Variants in PITRM1 observed in about 807,000 individuals in gnomAD.
PITRM1 encodes the protein pitrilysin metallopeptidase 1.
A neutral mutation model predicts 129.9 loss-of-function variants in PITRM1; 100 were observed. The ratio of observed to expected loss-of-function variants is 0.77; its 90% CI spans 0.65 to 0.91. PITRM1 has a LOEUF of 0.91. PITRM1 is among the 40% of genes least tolerant of loss of function. The pLI is 0.00. For synonymous variants in PITRM1, 591 were observed against 508.8 expected (o/e 1.16, Z -2.17); for missense variants, 1,471 against 1,318.3 (o/e 1.12, Z -1.79).
chr10:3,158,388 C>G (rs1292190502), intron 10 of PITRM1, among the ~76,000 whole-genome samples: 1 of 152,052 alleles, frequency 6.6e-6, no homozygotes, highest in African/African-American at 2.4e-5. Context: ...AATATCAAAA[C>G]AGAGAACTGC....
chr10:3,150,597 G>A (rs1051132688), intron 15 of PITRM1, among the ~76,000 whole-genome samples: 18 of 152,166 alleles, frequency 1.2e-4, no homozygotes, highest in Admixed American at 1.1e-3. Flanking sequence ...GGTAAGCTCA[G>A]CATCAACACT....
At chr10:3,138,613 C>T (rs145694409) in intron 25 of PITRM1, 23 of 604,134 alleles carry the variant, frequency 3.8e-5, no homozygotes, top group African/African-American at 2.6e-4. Flanking sequence ...CAGAGAGTAA[C>T]GTGGCCATGC....
intron 1 of PITRM1, 100 bp downstream of exon 1, chr10:3,172,617 C>A (rs539255042): frequency 1.8e-6 from 2 of 1,106,882 alleles, no homozygotes; most frequent in African/African-American, 1.6e-5. Flanking sequence ...GAGCTGCCAG[C>A]CCCGGGCGCA....
chr10:3,139,614 A>T (rs1811918737), intron 24 of PITRM1, among the ~76,000 whole-genome samples: 1 of 152,222 alleles, frequency 6.6e-6, no homozygotes, highest in African/African-American at 2.4e-5. Context: ...AGAACTCATC[A>T]GAGTGGCAAT....
rs915320188 is a variant in PITRM1 at position 3,147,608 on chromosome 10, T to G, written c.2199A>C (p.Ala733=). Residue 733 remains alanine (A), a synonymous_variant, in exon 19 of 27, where the codon GCA becomes GCC. Coordinates refer to ENST00000224949, the MANE Select transcript of PITRM1 (RefSeq NM_014889.4). ...SIRAGRTLTP[A]GDLQETFSGM... The stretch of plus-strand genomic sequence containing the variant: ...CGCTGAAGGTCTCCTGCAGGTCCCC[T>G]GCGGGCGTGAGGGTCCGGCCTGCCC... The G allele has an allele frequency of 4.3e-6, 7 of 1,614,072 alleles. No homozygotes were observed. The highest frequency in any genetic ancestry group is 5.9e-6 in the Non-Finnish European group (7 of 1,179,904).
intron 1 of PITRM1, chr10:3,172,186 T>C (rs1257896502): frequency 8.8e-6 from 4 of 456,676 alleles, no homozygotes; most frequent in South Asian, 4.6e-5. Flanking sequence ...TATTACCTTA[T>C]ATTAAACACG....
chr10:3,143,572 C>T (rs1840498663), intron 22 of PITRM1, 71 bp from the exon 23 acceptor site: 2 of 1,060,272 alleles, frequency 1.9e-6, no homozygotes, highest in South Asian at 1.3e-5. Context: ...ACTGGACCCA[C>T]TCAGGGGTCA....
intron 1 of PITRM1, 112 bp downstream of exon 1, chr10:3,172,605 G>C: frequency 1.0e-6 from 1 of 995,218 alleles, no homozygotes; most frequent in Non-Finnish European, 1.4e-6. Flanking sequence ...CCACAGCTTG[G>C]GGAGCTGCCA....
intron 24 of PITRM1, 151 bp downstream of exon 24, chr10:3,140,536 G>T: frequency 1.5e-6 from 1 of 664,778 alleles, no homozygotes; most frequent in Non-Finnish European, 2.5e-6. Context: ...GACATTGCTG[G>T]GTGTGGCTAA....
chr10:3,172,513 G>C (rs1211982882), intron 1 of PITRM1, among the ~76,000 whole-genome samples: 1 of 152,260 alleles, frequency 6.6e-6, no homozygotes, highest in East Asian at 1.9e-4. Flanking sequence ...ATCGCCCCTG[G>C]GAGTAGGAAG....
At chr10:3,165,567 A>T (rs1471903663) in intron 4 of PITRM1, 40 bp from the exon 5 acceptor site, 1 of 1,145,286 alleles carries the variant, frequency 8.7e-7, no homozygotes, top group Admixed American at 1.9e-5. Flanking sequence ...AATATAACAG[A>T]TTTCTACTAA....
Position 3,155,679 on chromosome 10 carries a change from G to A in PITRM1, c.1533C>T (p.His511=), listed in dbSNP as rs201227300. The change falls in exon 14 of 27, where the codon CAC becomes CAT. Residue 511 remains histidine (H), a synonymous_variant. Transcript: ENST00000224949. ...TGGCTTCCACCTGTGCCTGCTTCTC[G>A]TGATACTTGTCATCTGGCCTCATCG... ...TLSMRPDDKY[H]EKQAQVEATK... 3,459 of 1,613,814 alleles carry A rather than the reference G, an allele frequency of 2.1e-3. 12 individuals carry two copies. The highest frequency in any genetic ancestry group is 2.4e-3 in the Non-Finnish European group (2,861 of 1,179,862).
intron 6 of PITRM1, chr10:3,164,132 T>C (rs1044905015): frequency 4.2e-6 from 1 of 238,874 alleles, no homozygotes. Context: ...TTTTTTGATG[T>C]GTGGTGCAAC....
Position 3,158,080 on chromosome 10 carries a change from C to A in PITRM1, c.1210G>T (p.Val404Phe), listed in dbSNP as rs773535745. Residue 404 changes from valine to phenylalanine, a missense_variant, in exon 11 of 27, where the codon GTC becomes TTC. Physicochemically the swap from Val to Phe is conservative, Grantham distance 50. Coordinates refer to ENST00000224949, the MANE Select transcript of PITRM1 (RefSeq NM_014889.4). Reference protein sequence around the residue: ...QGIAEKDIETVRSLIDRTIDE... With the variant: ...QGIAEKDIETFRSLIDRTIDE... ...ATCGTTCTGTCTATGAGGCTTCTGA[C>A]GGTCTCAATGTCTTTCTCCGCAATC... 18 of 1,610,924 alleles carry A rather than the reference C, an allele frequency of 1.1e-5. No individual in the cohort carries two copies. The highest frequency in any genetic ancestry group is 1.4e-5 in the Non-Finnish European group (16 of 1,177,278).
chr10:3,141,748 T>A (rs1401672685), intron 23 of PITRM1: 2 of 444,316 alleles, frequency 4.5e-6, no homozygotes, highest in African/African-American at 4.1e-5. Context: ...CTAAAGTGGA[T>A]GAAGGGAGTC....
chr10:3,156,340 A>G (rs1188716505), intron 13 of PITRM1, among the ~76,000 whole-genome samples: 2 of 152,270 alleles, frequency 1.3e-5, no homozygotes, highest in African/African-American at 4.8e-5. Flanking sequence ...AGAAGACACC[A>G]GAAAGTTCAT....
At chr10:3,148,355 C>G (rs939034228) in intron 16 of PITRM1, 64 bp from the exon 17 acceptor site, 1 of 1,524,450 alleles carries the variant, frequency 6.6e-7, no homozygotes, top group Non-Finnish European at 8.8e-7. Flanking sequence ...TTTTTAAAAT[C>G]GTGCATCTTG....
rs374148356 is a variant in PITRM1, at chr10:3,148,141, C to A, written c.1992+30G>T. ...CAGACACTGGAGAAAAGCTTCCCAC[C>A]GCAGCAGTCGTCTGACGGTACCAGG... On this transcript the variant is annotated intron_variant, in intron 17 of 26. Coordinates refer to ENST00000224949, the MANE Select transcript of PITRM1 (RefSeq NM_014889.4). 2.5e-6 allele frequency: 4 copies of A among 1,613,728 alleles called. No homozygotes were observed. The African/African-American group carries it at 4.0e-5, about 16-fold the overall frequency.
chr10:3,158,475 G>A (rs1342996552), intron 10 of PITRM1, among the ~76,000 whole-genome samples: 2 of 152,128 alleles, frequency 1.3e-5, no homozygotes, highest in East Asian at 1.9e-4. Flanking sequence ...GTGTGAACCC[G>A]GGAGGTGGAG....
Sources: gnomAD v4.1 joint callset for allele counts (sites outside exome capture counted in the v4.1 genomes callset) on GRCh38, gnomAD v4.1.1 for gene constraint, MANE v1.5 for transcripts, NCBI Gene and HGNC (gene_info 2026-07-23, HGNC 2026-07-21) for gene names.